The following ERBB4 variants were observed in gnomAD, a reference collection of about 807,000 sequenced individuals.
The protein encoded by ERBB4 is erb-b2 receptor tyrosine kinase 4.
A neutral mutation model predicts 158.0 loss-of-function variants in ERBB4; 42 were observed. The ratio of observed to expected loss-of-function variants is 0.27; its 90% CI spans 0.21 to 0.34. The LOEUF is 0.34. Among genes scored for constraint, ERBB4 ranks in the 10% least tolerant of loss-of-function variants. The pLI is 1.00. For synonymous variants in ERBB4, 583 were observed against 558.7 expected (o/e 1.04, Z -0.61); for missense variants, 1,333 against 1,624.1 (o/e 0.82, Z 3.08).
At chr2:212,139,671 A>C (rs1464642828) in intron 1 of ERBB4, among the ~76,000 whole-genome samples, 1 of 151,970 alleles carries the variant, frequency 6.6e-6, no homozygotes. Flanking sequence ...TCTAAATTAT[A>C]TATTTTGTAG....
At chr2:212,127,393 C>A (rs1394276208) in intron 1 of ERBB4, among the ~76,000 whole-genome samples, 1 of 152,138 alleles carries the variant, frequency 6.6e-6, no homozygotes, top group Non-Finnish European at 1.5e-5. Context: ...GAGATCGAGA[C>A]CATCCTGGTC....
At chr2:212,530,884 C>A (rs1225631478) in intron 1 of ERBB4, among the ~76,000 whole-genome samples, 1 of 152,284 alleles carries the variant, frequency 6.6e-6, no homozygotes, top group East Asian at 1.9e-4. Flanking sequence ...TTGTACCATT[C>A]ACTTTCTTCT....
Position 211,486,953 on chromosome 2 carries a change from T to C in ERBB4, c.2488-55853A>G, listed in dbSNP as rs183124246. On this transcript the variant is annotated intron_variant, in intron 20 of 27. Transcript: ENST00000342788. Reference sequence around the variant, plus strand: ...ACAGCTTCATCAGATAATATATTCTTAAAATAATCTATTTTTCTTTAAAAT... The same window carrying C: ...ACAGCTTCATCAGATAATATATTCTCAAAATAATCTATTTTTCTTTAAAAT... 1.9e-4 allele frequency among the ~76,000 whole-genome samples: 28 copies of C among 146,172 alleles called. No homozygotes were observed. In the East Asian group the frequency reaches 5.2e-3, roughly 27 times the overall value.
chr2:212,410,401 G>A (rs2106485302), intron 1 of ERBB4, among the ~76,000 whole-genome samples: 1 of 152,022 alleles, frequency 6.6e-6, no homozygotes, highest in East Asian at 1.9e-4. Flanking sequence ...ACAAATTTAA[G>A]CTAAAATATA....
chr2:211,868,551 A>G (rs1014355052), intron 3 of ERBB4, among the ~76,000 whole-genome samples: 5 of 152,194 alleles, frequency 3.3e-5, no homozygotes, highest in Admixed American at 6.5e-5. Flanking sequence ...ATACAGAATT[A>G]TCTTTGAAAA....
chr2:211,512,995 C>T (rs900466269), intron 20 of ERBB4, among the ~76,000 whole-genome samples: 2 of 152,018 alleles, frequency 1.3e-5, no homozygotes, highest in Non-Finnish European at 2.9e-5. Flanking sequence ...CAGACTGAAA[C>T]ATTAGACAGT....
At chr2:212,451,073 G>T (rs1212078020) in intron 1 of ERBB4, among the ~76,000 whole-genome samples, 1 of 152,124 alleles carries the variant, frequency 6.6e-6, no homozygotes, top group Admixed American at 6.6e-5. Context: ...TCCCTATTAT[G>T]AAGTAGAAAG....
intron 25 of ERBB4, among the ~76,000 whole-genome samples, chr2:211,411,144 T>C (rs1352817565): frequency 6.6e-6 from 1 of 152,178 alleles, no homozygotes; most frequent in Admixed American, 6.5e-5. Context: ...CCTGACCTCA[T>C]GATCCACCCA....
rs114731600 is a variant in ERBB4 at position 211,541,765 on chromosome 2, G to A, written c.2487+20138C>T. On this transcript the variant is annotated intron_variant, in intron 20 of 27. Coordinates refer to ENST00000342788, the MANE Select transcript of ERBB4 (RefSeq NM_005235.3). ...AACATTTCATCAGTGCTATCATTGT[G>A]AAGTTCAGCAGTTTCTCCCTATGCA... is the stretch of plus-strand genomic sequence containing the variant. 8.5e-3 allele frequency among the ~76,000 whole-genome samples: 1,292 copies of A among 152,086 alleles called. 16 individuals carry two copies. Among genetic ancestry groups the A allele is most frequent in the African/African-American group, 0.03 (1,232 of 41,546 alleles).
chr2:212,468,873 A>G lies in ERBB4; in HGVS notation c.82+69576T>C, dbSNP rs1221128205. On this transcript the variant is annotated intron_variant, in intron 1 of 27. Transcript: ENST00000342788. ...ACAGGATATATTTCCTTTATAAGTT[A>G]TCTGCCACATTACCAATTTACAAAT... Among the ~76,000 whole-genome samples the G allele has an allele frequency of 3.9e-5, 6 of 152,354 alleles. No homozygotes were observed. The East Asian group carries it at 1.2e-3, about 29-fold the overall frequency.
intron 2 of ERBB4, among the ~76,000 whole-genome samples, chr2:212,093,901 T>G (rs763164850): frequency 3.3e-5 from 5 of 152,304 alleles, no homozygotes; most frequent in Non-Finnish European, 5.9e-5. Context: ...AGAAATAAAT[T>G]ATGTAAGTTA....
intron 7 of ERBB4, 96 bp from the exon 8 acceptor site, chr2:211,713,744 CA>C (rs910341767): frequency 3.8e-5 from 28 of 738,336 alleles, no homozygotes; most frequent in Non-Finnish European, 6.4e-5. Flanking sequence ...AAATGATTAG[CA>C]TCATTGATAG....
At chr2:211,959,569 G>A (rs922566341) in intron 2 of ERBB4, among the ~76,000 whole-genome samples, 2 of 151,936 alleles carry the variant, frequency 1.3e-5, no homozygotes, top group African/African-American at 2.4e-5. Flanking sequence ...TTGTCTTCAG[G>A]ACTTTCAAGT....
intron 2 of ERBB4, among the ~76,000 whole-genome samples, chr2:212,028,842 G>A (rs2076834883): frequency 1.3e-5 from 2 of 152,082 alleles, no homozygotes; most frequent in African/African-American, 4.8e-5. Flanking sequence ...ATGTCTAAAT[G>A]TGAATTTTTA....
chr2:211,499,489 C>T (rs1000603869), intron 20 of ERBB4, among the ~76,000 whole-genome samples: 1 of 152,048 alleles, frequency 6.6e-6, no homozygotes, highest in Admixed American at 6.6e-5. Context: ...CGCCACTGCA[C>T]TCCAGCCTGG....
chr2:211,972,695 C>T (rs1098060), intron 2 of ERBB4, among the ~76,000 whole-genome samples: 126,058 of 152,120 alleles, frequency 0.83, 53,199 homozygotes, highest in Non-Finnish European at 0.93. Flanking sequence ...GATAACTGGC[C>T]AGCCATATGT....
intron 16 of ERBB4, among the ~76,000 whole-genome samples, chr2:211,632,195 T>C (rs2070166921): frequency 6.6e-6 from 1 of 152,106 alleles, no homozygotes; most frequent in Admixed American, 6.6e-5. Context: ...TTTCTAAAGA[T>C]ATAAAAATCT....
At chr2:211,794,371 T>C (rs1159250508) in intron 3 of ERBB4, among the ~76,000 whole-genome samples, 1 of 151,906 alleles carries the variant, frequency 6.6e-6, no homozygotes, top group Non-Finnish European at 1.5e-5. Flanking sequence ...TACCTTCTTA[T>C]ATATTCTTTT....
intron 1 of ERBB4, among the ~76,000 whole-genome samples, chr2:212,226,190 C>T (rs2105968534): frequency 6.6e-6 from 1 of 152,212 alleles, no homozygotes; most frequent in African/African-American, 2.4e-5. Context: ...AGAGCAACCC[C>T]AGGCTGTTGG....
Sources: allele counts gnomAD v4.1 joint callset (sites outside exome capture counted in the v4.1 genomes callset), GRCh38; gene constraint gnomAD v4.1.1; transcripts MANE v1.5; gene names NCBI Gene and HGNC (gene_info 2026-07-23, HGNC 2026-07-21).